The following SEPTIN14 variants were observed in gnomAD, a reference collection of about 807,000 sequenced individuals.
SEPTIN14 encodes the protein septin-14.
In SEPTIN14, 40 loss-of-function variants were observed where a neutral mutation model predicts 53.6. The ratio of observed to expected loss-of-function variants is 0.75; its 90% CI spans 0.58 to 0.97. The LOEUF is 0.97. Ranked by LOEUF, SEPTIN14 falls within the 50% of genes least tolerant of loss-of-function variation. The pLI is 0.00. For synonymous variants in SEPTIN14, 138 were observed against 166.8 expected (o/e 0.83, Z 1.33); for missense variants, 471 against 508.2 (o/e 0.93, Z 0.70).
rs1366806565 is a variant in SEPTIN14 at position 55,836,690 on chromosome 7, A to C, written c.559-2104T>G. Among the ~76,000 whole-genome samples the C allele has an allele frequency of 3.9e-5, 6 of 152,288 alleles. No homozygotes were observed. The East Asian group carries it at 1.2e-3, about 29-fold the overall frequency. On this transcript the variant is annotated intron_variant, in intron 5 of 9. Coordinates refer to ENST00000388975, the MANE Select transcript of SEPTIN14 (RefSeq NM_207366.3). Reference sequence around the variant, plus strand: ...GAGGCAGAGGTTGCAGTGAGCCGAGATTGCGCCATTGCACTCCAGCCTGGG... The same window carrying C: ...GAGGCAGAGGTTGCAGTGAGCCGAGCTTGCGCCATTGCACTCCAGCCTGGG...
chr7:55,842,889 C>T (rs1026296249), intron 5 of SEPTIN14, 53 bp downstream of exon 5: 2 of 1,223,428 alleles, frequency 1.6e-6, no homozygotes, highest in African/African-American at 3.1e-5. Flanking sequence ...GCCTGGGCGA[C>T]AGAGGGAGAC....
At chr7:55,831,579 A>G (rs1041365137) in intron 6 of SEPTIN14, among the ~76,000 whole-genome samples, 1 of 152,242 alleles carries the variant, frequency 6.6e-6, no homozygotes, top group African/African-American at 2.4e-5. Context: ...ATAATTCATA[A>G]CTTAGACCTG....
intron 4 of SEPTIN14, among the ~76,000 whole-genome samples, chr7:55,843,780 C>T (rs868413791): frequency 2.0e-5 from 3 of 152,088 alleles, no homozygotes; most frequent in Non-Finnish European, 2.9e-5. Flanking sequence ...TACAGTGAGC[C>T]GAGATCGCGC....
At chr7:55,836,455 C>T (rs1042592465) in intron 5 of SEPTIN14, among the ~76,000 whole-genome samples, 7 of 152,106 alleles carry the variant, frequency 4.6e-5, no homozygotes, top group African/African-American at 1.7e-4. Context: ...AATCCATGGA[C>T]AGACCGGGCG....
intron 5 of SEPTIN14, among the ~76,000 whole-genome samples, chr7:55,834,963 T>C (rs1380993791): frequency 1.3e-5 from 2 of 152,130 alleles, no homozygotes; most frequent in African/African-American, 4.8e-5. Flanking sequence ...GTTTTTATAG[T>C]AAAGCCTTCA....
chr7:55,846,623 A>G lies in SEPTIN14; in HGVS notation c.69T>C (p.Asn23=), dbSNP rs1584270728. ...PADGDTQKEN[N]IRCLTTIGHF... The stretch of plus-strand genomic sequence containing the variant: ...GTCCAATCGTAGTTAAACAACGAAT[A>G]TTATTTTCTTTTTGCTTAAATAAAA... The change falls in exon 3 of 10, where the codon AAT becomes AAC. Residue 23 remains asparagine (N), a synonymous_variant. Coordinates refer to ENST00000388975, the MANE Select transcript of SEPTIN14 (RefSeq NM_207366.3). The G allele has an allele frequency of 6.8e-7, 1 of 1,478,208 alleles. No homozygotes were observed. Among genetic ancestry groups the G allele is most frequent in the East Asian group, 2.3e-5 (1 of 43,910 alleles). 91.6% of individuals were successfully genotyped at this position (1,478,208 alleles called of 1,614,324 possible). A position where few individuals can be genotyped will look rare whatever the true frequency, so the allele number is the denominator to read the frequency against.
At chr7:55,859,905 C>A (rs551911550) in intron 2 of SEPTIN14, among the ~76,000 whole-genome samples, 2 of 152,280 alleles carry the variant, frequency 1.3e-5, no homozygotes, top group African/African-American at 4.8e-5. Flanking sequence ...TGGGGCCAGA[C>A]GTGATGGCTC....
intron 6 of SEPTIN14, among the ~76,000 whole-genome samples, chr7:55,830,349 A>ATTTTTTTTTTTTTTTTTT (rs1216458496): frequency 5.3e-5 from 3 of 56,846 alleles, no homozygotes; most frequent in African/African-American, 3.0e-4. Context: ...ATATATATAT[A>ATTTTTTTTTTTTTTTTTT]TTTTTTTTTT....
At chr7:55,840,879 TTTG>T (rs906544902) in intron 5 of SEPTIN14, among the ~76,000 whole-genome samples, 2 of 150,676 alleles carry the variant, frequency 1.3e-5, no homozygotes, top group East Asian at 1.9e-4. Context: ...ACCTTTGCTT[TTTG>T]TTGTTGTTAT....
intron 2 of SEPTIN14, among the ~76,000 whole-genome samples, chr7:55,855,726 G>T (rs1297724297): frequency 6.6e-6 from 1 of 151,976 alleles, no homozygotes; most frequent in African/African-American, 2.4e-5. Context: ...ACTAATTTTT[G>T]TATTTTTAGT....
chr7:55,862,366 T>TA (rs150434136), intron 1 of SEPTIN14, among the ~76,000 whole-genome samples: 28 of 147,606 alleles, frequency 1.9e-4, no homozygotes, highest in South Asian at 1.1e-3. Context: ...AAAAAATGGT[T>TA]AAAAAAAAAA....
At chr7:55,837,354 C>A (rs538801550) in intron 5 of SEPTIN14, among the ~76,000 whole-genome samples, 1 of 152,060 alleles carries the variant, frequency 6.6e-6, no homozygotes, top group African/African-American at 2.4e-5. Context: ...CAGGCTCAGG[C>A]AATCCTCCCT....
At chr7:55,819,956 C>A (rs1359179516) in intron 6 of SEPTIN14, among the ~76,000 whole-genome samples, 1 of 151,610 alleles carries the variant, frequency 6.6e-6, no homozygotes, top group Non-Finnish European at 1.5e-5. Flanking sequence ...AATGGATACA[C>A]AATATAAAAT....
chr7:55,811,434 G>A (rs147244801), intron 7 of SEPTIN14: 27 of 396,774 alleles, frequency 6.8e-5, no homozygotes, highest in African/African-American at 5.1e-4. Context: ...AGGCTGCAGG[G>A]AGCGATGGAG....
Position 55,819,188 on chromosome 7 carries a change from A to G in SEPTIN14, c.756T>C (p.Asp252=). 2 of 1,580,614 alleles carry G rather than the reference A, an allele frequency of 1.3e-6. No homozygotes were observed. The highest frequency in any genetic ancestry group is 1.7e-6 in the Non-Finnish European group (2 of 1,162,160). The change falls in exon 7 of 10, where the codon GAT becomes GAC. Residue 252 remains aspartate, a synonymous_variant. Coordinates refer to ENST00000388975, the MANE Select transcript of SEPTIN14 (RefSeq NM_207366.3). ...CCATCCTTTTTCCAACTTTCACTTC[A>G]TCTGTACTCCCTACCACAGCAAAGG... ...LLPFAVVGST[D]EVKVGKRMVR...
intron 2 of SEPTIN14, among the ~76,000 whole-genome samples, chr7:55,860,350 T>C (rs1431475232): frequency 6.6e-6 from 1 of 151,912 alleles, no homozygotes. Context: ...AGAGGTAGAG[T>C]AGAATGATAG....
At chr7:55,842,426 T>C (rs745373180) in intron 5 of SEPTIN14, among the ~76,000 whole-genome samples, 1 of 151,714 alleles carries the variant, frequency 6.6e-6, no homozygotes, top group Non-Finnish European at 1.5e-5. Flanking sequence ...GGCAACATAG[T>C]GACACCCTGT....
chr7:55,813,416 T>C (rs1788738853), intron 7 of SEPTIN14, among the ~76,000 whole-genome samples: 1 of 152,118 alleles, frequency 6.6e-6, no homozygotes, highest in South Asian at 2.1e-4. Context: ...CTTGGGCAAG[T>C]CCAGTTACTG....
chr7:55,797,522 A>G (rs754944371), intron 9 of SEPTIN14, among the ~76,000 whole-genome samples: 5 of 152,238 alleles, frequency 3.3e-5, no homozygotes, highest in Non-Finnish European at 7.3e-5. Context: ...GTGCTGAAAG[A>G]AAAAACTGCC....
Sources: gnomAD v4.1 joint callset for allele counts (sites outside exome capture counted in the v4.1 genomes callset) on GRCh38, gnomAD v4.1.1 for gene constraint, MANE v1.5 for transcripts, NCBI Gene and HGNC (gene_info 2026-07-23, HGNC 2026-07-21) for gene names.